The following ASCC3 variants were observed in gnomAD, a reference collection of about 807,000 sequenced individuals.
ASCC3 encodes the protein ASC-1 complex subunit P200.
Under a neutral mutation model 256.3 loss-of-function variants are expected in ASCC3, and 158 were observed. The ratio of observed to expected loss-of-function variants is 0.62; its 90% CI spans 0.54 to 0.70. The LOEUF is 0.70. ASCC3 is among the 30% of genes least tolerant of loss of function. The probability of loss-of-function intolerance (pLI) is 0.00; values close to 1 mark genes in which losing one functional copy is unlikely to be tolerated. For missense variants in ASCC3, 2,259 were observed against 2,626.0 expected (o/e 0.86, Z 3.05); for synonymous variants, 948 against 883.4 (o/e 1.07, Z -1.30).
chr6:100,774,727 C>A (rs1337903837), intron 8 of ASCC3, among the ~76,000 whole-genome samples: 1 of 152,042 alleles, frequency 6.6e-6, no homozygotes, highest in Admixed American at 6.6e-5. Flanking sequence ...GGTCTTTGAA[C>A]TCCTGGGCTC....
chr6:100,544,161 C>CCCT (rs1775595473), intron 36 of ASCC3, among the ~76,000 whole-genome samples: 9 of 151,992 alleles, frequency 5.9e-5, no homozygotes, highest in African/African-American at 2.2e-4. Flanking sequence ...TGTGGGATAT[C>CCCT]ATTGGAACAG....
intron 10 of ASCC3, among the ~76,000 whole-genome samples, chr6:100,755,621 C>T (rs1305780352): frequency 6.6e-6 from 1 of 151,980 alleles, no homozygotes; most frequent in Non-Finnish European, 1.5e-5. Context: ...AGCAGCTCCC[C>T]AAAATATTGT....
At chr6:100,607,338 G>A (rs1034845822) in intron 30 of ASCC3, among the ~76,000 whole-genome samples, 1 of 151,920 alleles carries the variant, frequency 6.6e-6, no homozygotes, top group African/African-American at 2.4e-5. Context: ...AAAAAAATCT[G>A]TAGATAAATG....
chr6:100,617,290 G>A (rs1424314163), intron 30 of ASCC3, among the ~76,000 whole-genome samples: 8 of 152,050 alleles, frequency 5.3e-5, no homozygotes, highest in African/African-American at 1.7e-4. Context: ...TTACAGGCGT[G>A]AGCCACCGTG....
At chr6:100,754,536 T>C (rs1196162502) in intron 10 of ASCC3, among the ~76,000 whole-genome samples, 1 of 152,194 alleles carries the variant, frequency 6.6e-6, no homozygotes, top group African/African-American at 2.4e-5. Context: ...GTCAACCTGT[T>C]GTACTACCAA....
Position 100,584,028 on chromosome 6 carries a change from A to C in ASCC3, c.5550+5606T>G, listed in dbSNP as rs181703243. 2.5e-3 allele frequency among the ~76,000 whole-genome samples: 377 copies of C among 152,042 alleles called. 1 individual carries two copies. The highest frequency in any genetic ancestry group is 4.5e-3 in the Non-Finnish European group (304 of 67,978). ...CCAAGTATGTGGTCAATTTTGGAAT[A>C]GGTGTGGTGTGGTGCTGAAAAAAAT... On this transcript the variant is annotated intron_variant, in intron 36 of 41. Transcript: ENST00000369162.
chr6:100,590,133 A>AAT, intron 34 of ASCC3, 74 bp from the exon 35 acceptor site: 2 of 917,876 alleles, frequency 2.2e-6, no homozygotes, highest in East Asian at 2.6e-5. Context: ...AGTTTCACAG[A>AAT]ATATATATAA....
At chr6:100,606,904 C>T in intron 31 of ASCC3, 44 bp from the exon 32 acceptor site, 2 of 1,607,458 alleles carry the variant, frequency 1.2e-6, no homozygotes, top group Non-Finnish European at 1.7e-6. Flanking sequence ...TAAAATATAA[C>T]TTTTAAGTTA....
At chr6:100,834,390 T>C (rs1436717150) in intron 4 of ASCC3, among the ~76,000 whole-genome samples, 2 of 152,216 alleles carry the variant, frequency 1.3e-5, no homozygotes, top group East Asian at 3.8e-4. Context: ...GAAGTATATT[T>C]GTCATCACTG....
chr6:100,665,494 G>A (rs914240497), intron 14 of ASCC3, among the ~76,000 whole-genome samples: 1 of 151,916 alleles, frequency 6.6e-6, no homozygotes, highest in East Asian at 1.9e-4. Flanking sequence ...GAAGGGTGAG[G>A]CAGGCAGATC....
At chr6:100,796,693 A>C (rs1769633601) in intron 8 of ASCC3, among the ~76,000 whole-genome samples, 1 of 152,124 alleles carries the variant, frequency 6.6e-6, no homozygotes, top group Non-Finnish European at 1.5e-5. Flanking sequence ...CAGAAACAAA[A>C]TCTGCTAGCA....
At chr6:100,594,365 C>T (rs1171769167) in intron 34 of ASCC3, among the ~76,000 whole-genome samples, 5 of 151,968 alleles carry the variant, frequency 3.3e-5, no homozygotes, top group Non-Finnish European at 2.9e-5. Context: ...TAAAACTATA[C>T]ATAATGTAAG....
intron 10 of ASCC3, among the ~76,000 whole-genome samples, chr6:100,756,950 T>C (rs1781208273): frequency 6.6e-6 from 1 of 152,146 alleles, no homozygotes. Flanking sequence ...TGAAGAGCTT[T>C]AAAAGAGACT....
intron 41 of ASCC3, 81 bp from the exon 42 acceptor site, chr6:100,509,614 T>C (rs1773653876): frequency 7.1e-7 from 1 of 1,404,878 alleles, no homozygotes; most frequent in South Asian, 1.2e-5. Flanking sequence ...ACTTTGGTAG[T>C]AGGAGGCTGG....
chr6:100,511,231 G>C (rs1282439815), intron 40 of ASCC3, among the ~76,000 whole-genome samples: 1 of 152,178 alleles, frequency 6.6e-6, no homozygotes, highest in East Asian at 1.9e-4. Flanking sequence ...CCTGAGGTCA[G>C]GAGTTTGAGA....
chr6:100,642,890 G>C (rs143817791), intron 23 of ASCC3, 141 bp from the exon 24 acceptor site: 14 of 873,180 alleles, frequency 1.6e-5, no homozygotes, highest in Non-Finnish European at 2.1e-5. Context: ...TGAGATATTC[G>C]GAAACTTTAG....
rs559296698 is a variant in ASCC3 at position 100,583,371 on chromosome 6, C to T, written c.5550+6263G>A. 1.5e-4 allele frequency among the ~76,000 whole-genome samples: 23 copies of T among 152,164 alleles called. No individual in the cohort carries two copies. In the East Asian group the frequency reaches 2.7e-3, roughly 18 times the overall value. On this transcript the variant is annotated intron_variant, in intron 36 of 41. Coordinates refer to ENST00000369162, the MANE Select transcript of ASCC3 (RefSeq NM_006828.4). Reference sequence around the variant, plus strand: ...TCTTCTAGATTTTTGAGTTTATTTGCGTAGAGGTGTTTGTAGTATTCTCTG... The same window carrying T: ...TCTTCTAGATTTTTGAGTTTATTTGTGTAGAGGTGTTTGTAGTATTCTCTG...
At chr6:100,614,811 T>C (rs1442575140) in intron 30 of ASCC3, among the ~76,000 whole-genome samples, 1 of 152,198 alleles carries the variant, frequency 6.6e-6, no homozygotes, top group African/African-American at 2.4e-5. Flanking sequence ...TATGAAATAA[T>C]GAGTAACTCT....
At chr6:100,663,657 C>T (rs191994311) in intron 14 of ASCC3, among the ~76,000 whole-genome samples, 103 of 152,064 alleles carry the variant, frequency 6.8e-4, no homozygotes, top group African/African-American at 2.3e-3. Flanking sequence ...GGAATAAAAA[C>T]GAAATTGTAT....
Sources: allele counts gnomAD v4.1 joint callset (sites outside exome capture counted in the v4.1 genomes callset), GRCh38; gene constraint gnomAD v4.1.1; transcripts MANE v1.5; gene names NCBI Gene and HGNC (gene_info 2026-07-23, HGNC 2026-07-21).